Variants in PLAGL1 observed in about 807,000 individuals in gnomAD.
The protein encoded by PLAGL1 is PLAG1 like zinc finger 1, also known as zinc finger protein PLAGL1.
Under a neutral mutation model 4.6 loss-of-function variants are expected in PLAGL1, and 1 was observed. That is an observed-to-expected ratio of 0.22 (90% confidence interval 0.08 to 1.03). PLAGL1 has a LOEUF of 1.03. Among genes scored for constraint, PLAGL1 ranks in the 50% least tolerant of loss-of-function variants. PLAGL1 has a pLI of 0.58. For missense variants in PLAGL1, 464 were observed against 570.4 expected, an observed-to-expected ratio of 0.81 and a Z score of 1.90; for synonymous variants, 240 against 237.8, an observed-to-expected ratio of 1.01 and a Z score of -0.08.
Position 143,953,410 on chromosome 6 carries a change from TAAAC to T in PLAGL1, c.-324-4954_-324-4951del, listed in dbSNP as rs1040284545. On this transcript the variant is annotated intron_variant, in intron 6 of 7. Transcript: ENST00000674357. This position sits in a 1 kb window ranked among gnomAD's most constrained non-coding sequence, Gnocchi z 5.3. ...ACTTTCTAAGAAATGAGGCTTAAGA[TAAAC>T]AAGAAAGACAAAGTGAATTATTTCT... is the stretch of plus-strand genomic sequence containing the variant. Among the ~76,000 whole-genome samples the T allele has an allele frequency of 4.6e-5, 7 of 152,188 alleles. No individual in the cohort carries two copies. Among genetic ancestry groups the T allele is most frequent in the African/African-American group, 1.7e-4 (7 of 41,446 alleles).
intron 1 of PLAGL1, among the ~76,000 whole-genome samples, chr6:144,032,592 T>C (rs747693529): frequency 1.3e-5 from 2 of 152,064 alleles, no homozygotes; most frequent in African/African-American, 2.4e-5. Flanking sequence ...GACGGAGTCT[T>C]GGTTTGTCAC....
Position 144,055,973 on chromosome 6 carries a change from C to A in PLAGL1, c.-151+8495G>T, listed in dbSNP as rs1798934669. On this transcript the variant is annotated intron_variant, in intron 1 of 3. Coordinates refer to the PLAGL1 transcript ENST00000437412. The surrounding 1 kb of genome is among the most constrained non-coding windows in gnomAD (Gnocchi z 5.0). ...TCTTACTTTTGAAAGCAGATCCACC[C>A]TTTTCATAATGATATATCAGAAGTT... 6.6e-6 allele frequency among the ~76,000 whole-genome samples: 1 copy of A among 152,094 alleles called. No individual in the cohort carries two copies. The highest frequency in any genetic ancestry group is 2.1e-4 in the South Asian group (1 of 4,818).
rs1278866139 is a variant in PLAGL1 at position 144,059,937 on chromosome 6, T to C, written c.-151+4531A>G. On this transcript the variant is annotated intron_variant, in intron 1 of 3. Coordinates refer to the PLAGL1 transcript ENST00000437412. This position sits in a 1 kb window ranked among gnomAD's most constrained non-coding sequence, Gnocchi z 4.9. ...TTCACTGTCCCCAGGTGGCCAAGGGTCTGAAAGGTCATTTCCCCCCATCTA... is the reference window on the plus strand; with the variant it reads ...TTCACTGTCCCCAGGTGGCCAAGGGCCTGAAAGGTCATTTCCCCCCATCTA... Among the ~76,000 whole-genome samples the C allele has an allele frequency of 6.6e-6, 1 of 152,046 alleles. No homozygotes were observed. Among genetic ancestry groups the C allele is most frequent in the East Asian group, 1.9e-4 (1 of 5,176 alleles).
intron 1 of PLAGL1, among the ~76,000 whole-genome samples, chr6:144,038,801 G>A (rs922103406): frequency 6.6e-6 from 1 of 152,178 alleles, no homozygotes; most frequent in Non-Finnish European, 1.5e-5. Flanking sequence ...ACAGAAAGTA[G>A]ATTAGTGACT....
At position 144,050,670 on chromosome 6, in the gene PLAGL1, A is replaced by T. The variant is rs983858495; in HGVS notation, c.-151+13798T>A. On this transcript the variant is annotated intron_variant, in intron 1 of 3. Transcript: ENST00000437412. This position sits in a 1 kb window ranked among gnomAD's most constrained non-coding sequence, Gnocchi z 4.3. ...TTTGGGAGGCCAAGGCAGGAGGATC[A>T]CTTGAGGCCAGGAGTTTGAGACCAA... Among the ~76,000 whole-genome samples, 4 of 152,190 alleles carry T rather than the reference A, an allele frequency of 2.6e-5. No homozygotes were observed. Among genetic ancestry groups the T allele is most frequent in the African/African-American group, 9.7e-5 (4 of 41,436 alleles).
chr6:144,019,098 C>T (rs186699449), intron 1 of PLAGL1, among the ~76,000 whole-genome samples: 6 of 152,074 alleles, frequency 3.9e-5, no homozygotes, highest in Admixed American at 6.6e-5. Context: ...TAAAGACAAA[C>T]GCTGAGATTC....
rs1041817064 is a variant in PLAGL1 at position 143,985,555 on chromosome 6, C to A, written c.-583-381G>T. On this transcript the variant is annotated intron_variant, in intron 1 of 7. Coordinates refer to ENST00000674357, the MANE Select transcript of PLAGL1 (RefSeq NM_001317162.2). This position sits in a 1 kb window ranked among gnomAD's most constrained non-coding sequence, Gnocchi z 4.4. ...TTTCTGCCCCTGACCCATTGCACAT[C>A]TATTTTTAACACTAAAATAATAACA... Among the ~76,000 whole-genome samples, 1 of 152,144 alleles carries A rather than the reference C, an allele frequency of 6.6e-6. No individual in the cohort carries two copies. Among genetic ancestry groups the A allele is most frequent in the Non-Finnish European group, 1.5e-5 (1 of 68,012 alleles).
At position 143,990,240 on chromosome 6, in the gene PLAGL1, C is replaced by T. The variant is rs1317999233; in HGVS notation, c.-583-5066G>A. Among the ~76,000 whole-genome samples the T allele has an allele frequency of 6.6e-6, 1 of 152,078 alleles. No homozygotes were observed. Among genetic ancestry groups the T allele is most frequent in the East Asian group, 1.9e-4 (1 of 5,192 alleles). On this transcript the variant is annotated intron_variant, in intron 1 of 7. Transcript: ENST00000674357. The surrounding 1 kb of genome is among the most constrained non-coding windows in gnomAD (Gnocchi z 5.4). The stretch of plus-strand genomic sequence containing the variant: ...GGTTCAAGCGATTATCTTGCTTCAG[C>T]TTCCCAAGTAGCTGGGATTACAGGC...
At chr6:144,021,137 T>C (rs1015419695) in intron 1 of PLAGL1, among the ~76,000 whole-genome samples, 2 of 151,946 alleles carry the variant, frequency 1.3e-5, no homozygotes, top group Non-Finnish European at 2.9e-5. Context: ...CTGGGCATAA[T>C]GTAGAGCACA....
At position 143,971,706 on chromosome 6, in the gene PLAGL1, G is replaced by A. The variant is rs1406580284; in HGVS notation, c.-543-2728C>T. On this transcript the variant is annotated intron_variant, in intron 2 of 7. Transcript: ENST00000674357. This position sits in a 1 kb window ranked among gnomAD's most constrained non-coding sequence, Gnocchi z 4.7. ...AAGGAATTCAAAACATGCAATGGTA[G>A]TAAATCTGGTTAAAGAAATTGTCAA... 6.6e-6 allele frequency among the ~76,000 whole-genome samples: 1 copy of A among 152,194 alleles called. No individual in the cohort carries two copies. The highest frequency in any genetic ancestry group is 1.5e-5 in the Non-Finnish European group (1 of 68,024).
intron 6 of PLAGL1, among the ~76,000 whole-genome samples, chr6:143,956,567 AAATCTTTTGGT>A (rs1196828154): frequency 2.0e-5 from 3 of 152,194 alleles, no homozygotes; most frequent in African/African-American, 7.2e-5. Flanking sequence ...CCCAAAACAA[AAATCTTTTGGT>A]TATCTCTTCT....
chr6:144,020,349 G>T (rs1225980503), intron 1 of PLAGL1, among the ~76,000 whole-genome samples: 1 of 152,072 alleles, frequency 6.6e-6, no homozygotes, highest in Non-Finnish European at 1.5e-5. Flanking sequence ...GTGCAATGGT[G>T]CAATCTCGGC....
At position 144,053,372 on chromosome 6, in the gene PLAGL1, T is replaced by C. The variant is rs9496845; in HGVS notation, c.-151+11096A>G. 0.16 allele frequency among the ~76,000 whole-genome samples: 24,574 copies of C among 152,088 alleles called. 2,719 individuals carry two copies. The highest frequency in any genetic ancestry group is 0.29 in the African/African-American group (12,129 of 41,452). ...CTGGTCTGAAACTCCTGACCTCAGG[T>C]GATCAGCCACGATGGCCTCCCAAAT... On this transcript the variant is annotated intron_variant, in intron 1 of 3. Transcript: ENST00000437412. This position sits in a 1 kb window ranked among gnomAD's most constrained non-coding sequence, Gnocchi z 4.0.
chr6:143,971,161 T>C lies in PLAGL1; in HGVS notation c.-543-2183A>G, dbSNP rs754851650. 2.4e-4 allele frequency among the ~76,000 whole-genome samples: 37 copies of C among 152,110 alleles called. No homozygotes were observed. The highest frequency in any genetic ancestry group is 4.6e-4 in the Non-Finnish European group (31 of 68,014). On this transcript the variant is annotated intron_variant, in intron 2 of 7. Transcript: ENST00000674357. This position sits in a 1 kb window ranked among gnomAD's most constrained non-coding sequence, Gnocchi z 4.7. ...AGTCTACCAATGATCAAAGTCATGG[T>C]AATTTTTCTGTTTCATGAGAAATCT...
chr6:144,048,256 G>A lies in PLAGL1; in HGVS notation c.-151+16212C>T, dbSNP rs142349584. On this transcript the variant is annotated intron_variant, in intron 1 of 3. Transcript: ENST00000437412. The surrounding 1 kb of genome is among the most constrained non-coding windows in gnomAD (Gnocchi z 4.8). ...TTGAGTGTTGGTGGCTTTTCCAGGTGCACAGTGCAAGCTGTCAGTGGATCT... is the reference window on the plus strand; with the variant it reads ...TTGAGTGTTGGTGGCTTTTCCAGGTACACAGTGCAAGCTGTCAGTGGATCT... Among the ~76,000 whole-genome samples, 1,110 of 152,260 alleles carry A rather than the reference G, an allele frequency of 7.3e-3. 12 individuals are homozygous for A. The highest frequency in any genetic ancestry group is 0.025 in the African/African-American group (1,059 of 41,532).
At chr6:144,049,178 C>T (rs1400065440) in intron 1 of PLAGL1, among the ~76,000 whole-genome samples, 2 of 152,248 alleles carry the variant, frequency 1.3e-5, no homozygotes, top group Non-Finnish European at 2.9e-5. Context: ...GAGACCACCT[C>T]AGCCTGTACT....
rs1269222205 is a variant in PLAGL1, at chr6:143,961,457, A to G, written c.-398-915T>C. On this transcript the variant is annotated intron_variant, in intron 5 of 7. Coordinates refer to ENST00000674357, the MANE Select transcript of PLAGL1 (RefSeq NM_001317162.2). The surrounding 1 kb of genome is among the most constrained non-coding windows in gnomAD (Gnocchi z 6.5). ...GAATTTGATCAAAAAGGCTATGTCC[A>G]TTTATTTTGTATGAGAACATCCTTT... is the stretch of plus-strand genomic sequence containing the variant. The G allele has an allele frequency of 6.6e-6, 1 of 152,224 alleles. No individual in the cohort carries two copies. Among genetic ancestry groups the G allele is most frequent in the Non-Finnish European group, 1.5e-5 (1 of 68,042 alleles). The allele number at this position is 152,224 out of a possible 1,614,324, so 9.4% of individuals were successfully genotyped here. A position where few individuals can be genotyped will look rare whatever the true frequency, so the allele number is the denominator to read the frequency against.
At chr6:144,002,482 C>T (rs1793121710) in intron 1 of PLAGL1, among the ~76,000 whole-genome samples, 1 of 151,986 alleles carries the variant, frequency 6.6e-6, no homozygotes. Flanking sequence ...ATATTTAAAC[C>T]ATTTTTTTTC....
intron 1 of PLAGL1, among the ~76,000 whole-genome samples, chr6:144,003,797 G>A (rs992038662): frequency 1.3e-5 from 2 of 152,074 alleles, no homozygotes; most frequent in African/African-American, 4.8e-5. Flanking sequence ...AGGTGATAAA[G>A]GAAATCTAAA....
Sources: gnomAD v4.1 joint callset for allele counts (sites outside exome capture counted in the v4.1 genomes callset) on GRCh38, gnomAD v4.1.1 for gene constraint, Gnocchi (gnomAD v3.1) non-coding constraint, MANE v1.5 for transcripts, NCBI Gene and HGNC (gene_info 2026-07-23, HGNC 2026-07-21) for gene names.